The following PTPRD variants were observed in gnomAD, a reference collection of about 807,000 sequenced individuals.
PTPRD encodes receptor-type tyrosine-protein phosphatase delta.
PTPRD carries 34 observed loss-of-function variants against 214.5 expected under a neutral mutation model. The observed-to-expected ratio is 0.16, with a 90% CI of 0.12 to 0.21. PTPRD has a LOEUF of 0.21. Among genes scored for constraint, PTPRD ranks in the 10% least tolerant of loss-of-function variants. PTPRD has a pLI of 1.00. For missense variants in PTPRD, 2,545 were observed against 2,398.7 expected (o/e 1.06, Z -1.27); for synonymous variants, 1,128 against 845.7 (o/e 1.33, Z -5.79).
At chr9:8,385,808 G>A (rs1241279089) in intron 37 of PTPRD, among the ~76,000 whole-genome samples, 1 of 152,076 alleles carries the variant, frequency 6.6e-6, no homozygotes, top group Admixed American at 6.6e-5. Flanking sequence ...CTGTCCTGGG[G>A]GAGAGCAAGT....
At chr9:8,644,249 T>G (rs1284214072) in intron 12 of PTPRD, among the ~76,000 whole-genome samples, 1 of 151,754 alleles carries the variant, frequency 6.6e-6, no homozygotes, top group Non-Finnish European at 1.5e-5. Flanking sequence ...CCGGACGACC[T>G]GCCTAACAGA....
At chr9:10,171,310 G>T (rs1452374097) in intron 3 of PTPRD, among the ~76,000 whole-genome samples, 2 of 151,930 alleles carry the variant, frequency 1.3e-5, no homozygotes, top group African/African-American at 4.8e-5. Flanking sequence ...TCACGGGGGT[G>T]GTTTCCTCCA....
chr9:9,315,973 C>G (rs1417042898), intron 9 of PTPRD, among the ~76,000 whole-genome samples: 2 of 150,348 alleles, frequency 1.3e-5, no homozygotes, highest in Admixed American at 6.7e-5. Context: ...CCATGTGAAT[C>G]TTTTAGATGT....
intron 8 of PTPRD, among the ~76,000 whole-genome samples, chr9:9,400,240 C>A (rs955511898): frequency 6.6e-6 from 1 of 151,754 alleles, no homozygotes. Context: ...CAGCAGAGAT[C>A]TATGGCTTCC....
chr9:10,261,391 C>G (rs2093691103), intron 3 of PTPRD, among the ~76,000 whole-genome samples: 1 of 151,996 alleles, frequency 6.6e-6, no homozygotes, highest in Non-Finnish European at 1.5e-5. Context: ...TGAAATTGAG[C>G]TACCCTGGTG....
At chr9:10,013,859 GTCATC>G (rs1330296989) in intron 4 of PTPRD, among the ~76,000 whole-genome samples, 1 of 151,988 alleles carries the variant, frequency 6.6e-6, no homozygotes, top group East Asian at 1.9e-4. Flanking sequence ...AATATGCAGA[GTCATC>G]TCATAGGTTT....
chr9:10,568,483 G>A (rs547574663), intron 2 of PTPRD, among the ~76,000 whole-genome samples: 5 of 152,224 alleles, frequency 3.3e-5, no homozygotes, highest in African/African-American at 1.2e-4. Flanking sequence ...TATATACCCA[G>A]TAATGGGATG....
chr9:9,088,087 G>C lies in PTPRD; in HGVS notation c.-142-69352C>G, dbSNP rs184289559. On this transcript the variant is annotated intron_variant, in intron 10 of 45. Coordinates refer to ENST00000381196, the MANE Select transcript of PTPRD (RefSeq NM_002839.4). ...AGTAGACACGGGGTTTCACCAAGTT[G>C]TCCAGGCTGGTCTTGAACTCCTGAC... is the stretch of plus-strand genomic sequence containing the variant. Among the ~76,000 whole-genome samples the C allele has an allele frequency of 6.4e-4, 97 of 150,976 alleles. 1 individual carries two copies. The highest frequency in any genetic ancestry group is 5.0e-3 in the Admixed American group (76 of 15,188).
rs1563839334 is a variant in PTPRD, at chr9:8,316,910, G to C, written c.*964C>G. On this transcript the variant is annotated 3_prime_UTR_variant, in exon 46 of 46. Coordinates refer to ENST00000381196, the MANE Select transcript of PTPRD (RefSeq NM_002839.4). ...TGGAAGAACTGACTGACTGATAACT[G>C]TATCTATTTTTTGTGTGGACACACT... 2 of 230,104 alleles carry C rather than the reference G, an allele frequency of 8.7e-6. No homozygotes were observed. The highest frequency in any genetic ancestry group is 2.2e-5 in the African/African-American group (1 of 45,064). 14.3% of individuals were successfully genotyped at this position (230,104 alleles called of 1,614,324 possible). A position where few individuals can be genotyped will look rare whatever the true frequency, so the allele number is the denominator to read the frequency against.
intron 14 of PTPRD, among the ~76,000 whole-genome samples, chr9:8,552,231 A>G (rs2082320010): frequency 6.6e-6 from 1 of 152,292 alleles, no homozygotes; most frequent in South Asian, 2.1e-4. Flanking sequence ...CAAAACTGAG[A>G]AAAGGAAAAG....
At chr9:9,111,557 G>C (rs768686149) in intron 10 of PTPRD, among the ~76,000 whole-genome samples, 14 of 152,032 alleles carry the variant, frequency 9.2e-5, no homozygotes, top group Non-Finnish European at 1.3e-4. Flanking sequence ...ACACACTTTG[G>C]GAATTGCCAA....
chr9:10,247,638 G>A (rs574047729), intron 3 of PTPRD, among the ~76,000 whole-genome samples: 1 of 152,206 alleles, frequency 6.6e-6, no homozygotes, highest in East Asian at 1.9e-4. Context: ...TGCACTTAAT[G>A]TTGGTTTATG....
chr9:10,511,638 A>C (rs1461195414), intron 2 of PTPRD, among the ~76,000 whole-genome samples: 6 of 144,042 alleles, frequency 4.2e-5, no homozygotes, highest in Admixed American at 2.8e-4. Flanking sequence ...CTGGTCTTGA[A>C]CTCCTGACCT....
chr9:9,924,345 G>C (rs977136118), intron 5 of PTPRD, among the ~76,000 whole-genome samples: 1 of 151,976 alleles, frequency 6.6e-6, no homozygotes, highest in African/African-American at 2.4e-5. Flanking sequence ...TTTCTCTATT[G>C]AACAGGACTA....
intron 4 of PTPRD, among the ~76,000 whole-genome samples, chr9:10,007,542 A>G (rs1035338003): frequency 1.3e-5 from 2 of 152,028 alleles, no homozygotes; most frequent in Non-Finnish European, 2.9e-5. Flanking sequence ...ATTGCAAAGC[A>G]TTAAAGAGCT....
At chr9:8,435,162 T>C (rs2132430454) in intron 35 of PTPRD, among the ~76,000 whole-genome samples, 1 of 152,288 alleles carries the variant, frequency 6.6e-6, no homozygotes, top group African/African-American at 2.4e-5. Context: ...AGACTACAGA[T>C]ATGTTTTGGT....
intron 3 of PTPRD, among the ~76,000 whole-genome samples, chr9:10,217,102 T>G (rs2099545238): frequency 6.6e-6 from 1 of 151,978 alleles, no homozygotes; most frequent in Non-Finnish European, 1.5e-5. Flanking sequence ...TTATTTCAAT[T>G]AAGTGCTCAA....
At chr9:8,674,577 G>A (rs1447033975) in intron 12 of PTPRD, among the ~76,000 whole-genome samples, 2 of 151,106 alleles carry the variant, frequency 1.3e-5, no homozygotes, top group East Asian at 1.9e-4. Context: ...ACTTATGAAA[G>A]CTAACCTGGA....
At chr9:10,389,575 T>G (rs149284033) in intron 2 of PTPRD, among the ~76,000 whole-genome samples, 2 of 151,824 alleles carry the variant, frequency 1.3e-5, no homozygotes, top group Non-Finnish European at 2.9e-5. Flanking sequence ...TCATATACAT[T>G]ATTTTGTGTA....
Sources: allele counts gnomAD v4.1 joint callset (sites outside exome capture counted in the v4.1 genomes callset), GRCh38; gene constraint gnomAD v4.1.1; transcripts MANE v1.5; gene names NCBI Gene and HGNC (gene_info 2026-07-23, HGNC 2026-07-21).